Variants in PTPN2 observed in about 807,000 individuals in gnomAD.
PTPN2 encodes the protein protein tyrosine phosphatase non-receptor type 2.
In PTPN2, 19 loss-of-function variants were observed where a neutral mutation model predicts 57.3. The ratio of observed to expected loss-of-function variants is 0.33; its 90% CI spans 0.23 to 0.49. PTPN2 has a LOEUF of 0.49. Ranked by LOEUF, PTPN2 falls within the 20% of genes least tolerant of loss-of-function variation. The pLI is 0.99. For missense variants in PTPN2, 358 were observed against 501.1 expected (o/e 0.71, Z 2.73); for synonymous variants, 153 against 164.9 (o/e 0.93, Z 0.55).
Position 12,859,205 on chromosome 18 carries a change from G to A in PTPN2, c.119C>T (p.Pro40Leu), listed in dbSNP as rs1172950151. The change falls in exon 2 of 9, where the codon CCA becomes CTA. Residue 40 changes from proline (P) to leucine (L), a missense_variant. Transcript: ENST00000309660. ...HDYPHRVAKF[P>L]ENRNRNRYRD... is the part of the protein sequence containing the mutation. ...GTATCTGTTTCGATTTCTGTTTTCT[G>A]GAAACTTGGCCACTCTATGAGGATA... 6.2e-7 allele frequency: 1 copy of A among 1,613,252 alleles called. No individual in the cohort carries two copies. The highest frequency in any genetic ancestry group is 8.5e-7 in the Non-Finnish European group (1 of 1,179,550).
At chr18:12,870,454 T>C (rs1396186505) in intron 1 of PTPN2, among the ~76,000 whole-genome samples, 1 of 44,326 alleles carries the variant, frequency 2.3e-5, no homozygotes, top group Non-Finnish European at 3.6e-5. Context: ...TATATATATA[T>C]ATATATATAG....
chr18:12,788,648 C>T (rs918749942), downstream of PTPN2, among the ~76,000 whole-genome samples: 1 of 151,914 alleles, frequency 6.6e-6, no homozygotes, highest in African/African-American at 2.4e-5. Context: ...ACCAAGTAAA[C>T]ACTTCTATCC....
intron 9 of PTPN2, chr18:12,786,410 G>T (rs964580450): frequency 6.6e-6 from 1 of 152,114 alleles, no homozygotes; most frequent in African/African-American, 2.4e-5. Flanking sequence ...TATATCTACC[G>T]AAATGAAGTG....
chr18:12,815,140 G>A (rs1369132606), intron 6 of PTPN2, among the ~76,000 whole-genome samples: 3 of 142,050 alleles, frequency 2.1e-5, no homozygotes, highest in Admixed American at 7.0e-5. Context: ...AAATAAAAAT[G>A]TGGTGGGTCA....
At chr18:12,791,780 C>G (rs962967877), downstream of PTPN2, among the ~76,000 whole-genome samples, 2 of 152,078 alleles carry the variant, frequency 1.3e-5, no homozygotes, top group African/African-American at 4.8e-5. Flanking sequence ...CCCAGAAGGA[C>G]AGAAAGCATA....
At chr18:12,855,647 A>G (rs482160) in intron 2 of PTPN2, among the ~76,000 whole-genome samples, 115,539 of 152,064 alleles carry the variant, frequency 0.76, 45,048 homozygotes, top group Middle Eastern at 0.87. Flanking sequence ...CAGAGCTGGA[A>G]CACGGTGGCA....
At chr18:12,861,630 G>C (rs898107566) in intron 1 of PTPN2, among the ~76,000 whole-genome samples, 10 of 152,166 alleles carry the variant, frequency 6.6e-5, no homozygotes, top group African/African-American at 1.9e-4. Flanking sequence ...TTAGATACCT[G>C]ATAAGTTTTG....
chr18:12,868,923 G>A (rs1255114828), intron 1 of PTPN2: 1 of 152,164 alleles, frequency 6.6e-6, no homozygotes, highest in Non-Finnish European at 1.5e-5. Context: ...GCCCAGGCAG[G>A]CGGATCACTT....
At chr18:12,884,025 C>T in intron 1 of PTPN2, 48 bp downstream of exon 1, 11 of 1,502,794 alleles carry the variant, frequency 7.3e-6, no homozygotes, top group Non-Finnish European at 9.9e-6. Context: ...GGGCACGAGT[C>T]CGGGTCTCGG....
intron 4 of PTPN2, among the ~76,000 whole-genome samples, chr18:12,826,928 T>C (rs9961103): frequency 1.2e-4 from 19 of 152,210 alleles, no homozygotes; most frequent in African/African-American, 4.6e-4. Context: ...ATAGGTATCA[T>C]ATTCATAAAA....
chr18:12,884,083 G>A lies in PTPN2; in HGVS notation c.59C>T (p.Pro20Leu). The A allele has an allele frequency of 6.3e-7, 1 of 1,579,992 alleles. No homozygotes were observed. The highest frequency in any genetic ancestry group is 8.6e-7 in the Non-Finnish European group (1 of 1,164,706). Residue 20 changes from proline to leucine, a missense_variant, in exon 1 of 9, where the codon CCG becomes CTG. Pro to Leu is a moderately conservative substitution (Grantham distance 98, BLOSUM62 -3). This residue lies in a region of PTPN2 where 62 missense variants were observed against 47.9 expected (regional missense o/e 1.29). Coordinates refer to ENST00000309660, the MANE Select transcript of PTPN2 (RefSeq NM_002828.4). ...GGGTCCGCGACTCACCAAGTACAGC[G>A]GCTGCCAGCGACGCTGAGTATCCAA... is the stretch of plus-strand genomic sequence containing the variant. The part of the protein sequence containing the change: ...EELDTQRRWQ[P>L]LYLEIRNESH...
chr18:12,830,866 T>G (rs569911867), intron 4 of PTPN2, 77 bp downstream of exon 4: 3 of 1,127,832 alleles, frequency 2.7e-6, no homozygotes, highest in Non-Finnish European at 3.9e-6. Flanking sequence ...GAATGAATAT[T>G]GGCCCCAAAA....
intron 2 of PTPN2, among the ~76,000 whole-genome samples, chr18:12,853,786 G>C (rs2043477341): frequency 6.6e-6 from 1 of 152,206 alleles, no homozygotes; most frequent in Admixed American, 6.5e-5. Flanking sequence ...GGGTAGAAAA[G>C]ATTTAGAGAG....
intron 1 of PTPN2, among the ~76,000 whole-genome samples, chr18:12,867,614 C>T (rs2044038288): frequency 6.9e-6 from 1 of 145,714 alleles, no homozygotes; most frequent in Admixed American, 7.0e-5. Flanking sequence ...TCTTCCTTGT[C>T]GCTTAATAGA....
chr18:12,860,365 G>A (rs1222433387), intron 1 of PTPN2, among the ~76,000 whole-genome samples: 5 of 152,022 alleles, frequency 3.3e-5, no homozygotes, highest in Non-Finnish European at 5.9e-5. Flanking sequence ...TTGGGAGGCC[G>A]AGGTGGGTGG....
intron 5 of PTPN2, among the ~76,000 whole-genome samples, chr18:12,822,629 T>C (rs1004925278): frequency 1.1e-4 from 17 of 152,310 alleles, no homozygotes; most frequent in African/African-American, 3.6e-4. Flanking sequence ...TGTTAATAGA[T>C]ACGTGTCAGA....
chr18:12,874,685 G>T (rs1452171328), intron 1 of PTPN2, among the ~76,000 whole-genome samples: 30 of 150,424 alleles, frequency 2.0e-4, no homozygotes, highest in African/African-American at 7.3e-4. Flanking sequence ...AGGGAGGTGG[G>T]GGGGTCAACC....
intron 7 of PTPN2, among the ~76,000 whole-genome samples, chr18:12,806,078 T>C (rs549144104): frequency 2.3e-4 from 35 of 152,094 alleles, no homozygotes; most frequent in Non-Finnish European, 3.7e-4. Context: ...GAAAACCCTA[T>C]AGACTCTACC....
chr18:12,874,841 A>G (rs532288910), intron 1 of PTPN2, among the ~76,000 whole-genome samples: 1 of 152,334 alleles, frequency 6.6e-6, no homozygotes, highest in South Asian at 2.1e-4. Flanking sequence ...CCATGATGAC[A>G]ATGGTGGTTT....
Sources: allele counts gnomAD v4.1 joint callset (sites outside exome capture counted in the v4.1 genomes callset), GRCh38; gene constraint gnomAD v4.1.1; regional missense constraint gnomAD v4.1.1; transcripts MANE v1.5; gene names NCBI Gene and HGNC (gene_info 2026-07-23, HGNC 2026-07-21).